Variants in LRMDA observed in about 807,000 individuals in gnomAD.
LRMDA encodes the protein leucine rich melanocyte differentiation associated, also known as leucine-rich melanocyte differentiation-associated protein.
LRMDA carries 18 observed loss-of-function variants against 29.8 expected under a neutral mutation model. The ratio of observed to expected loss-of-function variants is 0.60; its 90% CI spans 0.42 to 0.90. LRMDA has a LOEUF of 0.90. Ranked by LOEUF, LRMDA falls within the 40% of genes least tolerant of loss-of-function variation. The probability of loss-of-function intolerance (pLI) is 0.00; values close to 1 mark genes in which losing one functional copy is unlikely to be tolerated. For synonymous variants in LRMDA, 125 were observed against 109.4 expected (o/e 1.14, Z -0.89); for missense variants, 273 against 273.9 (o/e 1.00, Z 0.02).
At chr10:75,696,304 A>G (rs964536098) in intron 2 of LRMDA, among the ~76,000 whole-genome samples, 1 of 152,232 alleles carries the variant, frequency 6.6e-6, no homozygotes, top group Non-Finnish European at 1.5e-5. Context: ...GGGGCTAAAG[A>G]TGGCGGAGCA....
chr10:76,337,122 G>C (rs571588788), intron 6 of LRMDA, among the ~76,000 whole-genome samples: 1 of 152,226 alleles, frequency 6.6e-6, no homozygotes, highest in East Asian at 1.9e-4. Flanking sequence ...ATATTCCATA[G>C]CCTCCATTTC....
At chr10:75,596,616 G>A (rs955276808) in intron 2 of LRMDA, among the ~76,000 whole-genome samples, 7 of 151,964 alleles carry the variant, frequency 4.6e-5, no homozygotes, top group Non-Finnish European at 1.0e-4. Flanking sequence ...TAGCACATAT[G>A]TCTAGTGATC....
intron 2 of LRMDA, among the ~76,000 whole-genome samples, chr10:76,011,696 G>A (rs1847784409): frequency 1.3e-5 from 2 of 152,216 alleles, no homozygotes; most frequent in South Asian, 4.1e-4. Context: ...GATTCTGTGT[G>A]ATTGAGATTT....
chr10:76,538,551 T>TAC (rs1170502896), intron 6 of LRMDA, among the ~76,000 whole-genome samples: 1 of 140,516 alleles, frequency 7.1e-6, no homozygotes, highest in African/African-American at 2.8e-5. Flanking sequence ...TATGTATATA[T>TAC]ATATACACAC....
intron 6 of LRMDA, among the ~76,000 whole-genome samples, chr10:76,468,257 T>C (rs1427250224): frequency 6.6e-6 from 1 of 152,234 alleles, no homozygotes; most frequent in Non-Finnish European, 1.5e-5. Context: ...TCCCTTAAAT[T>C]AGCTTCTTAG....
chr10:75,592,489 G>T (rs755592581), intron 2 of LRMDA, among the ~76,000 whole-genome samples: 1 of 152,196 alleles, frequency 6.6e-6, no homozygotes. Context: ...GATCTGGGAC[G>T]GCAAGGCTAT....
chr10:76,095,908 G>A (rs1056780591), intron 5 of LRMDA, among the ~76,000 whole-genome samples: 3 of 150,808 alleles, frequency 2.0e-5, no homozygotes, highest in African/African-American at 7.3e-5. Flanking sequence ...TCGTGCCACT[G>A]CACTCCAGCC....
At chr10:76,294,641 A>G (rs931798600) in intron 5 of LRMDA, among the ~76,000 whole-genome samples, 2 of 152,240 alleles carry the variant, frequency 1.3e-5, no homozygotes, top group Non-Finnish European at 2.9e-5. Context: ...TCATGGTTCC[A>G]AGTGGTCCCA....
At chr10:75,853,475 C>T (rs149038616) in intron 2 of LRMDA, among the ~76,000 whole-genome samples, 1,702 of 146,586 alleles carry the variant, frequency 0.012, 55 homozygotes, top group Non-Finnish European at 9.0e-3. Flanking sequence ...TGGTCACATG[C>T]ACACACAGTC....
At chr10:76,354,366 G>C (rs1841214053) in intron 6 of LRMDA, among the ~76,000 whole-genome samples, 1 of 152,114 alleles carries the variant, frequency 6.6e-6, no homozygotes, top group Non-Finnish European at 1.5e-5. Context: ...AGATCCCTTG[G>C]GAGTTTTCCC....
intron 2 of LRMDA, among the ~76,000 whole-genome samples, chr10:75,868,130 T>G (rs1845050425): frequency 6.6e-6 from 1 of 152,230 alleles, no homozygotes; most frequent in South Asian, 2.1e-4. Context: ...TCTGTCTTGT[T>G]ATTTTCCTTT....
Position 75,920,358 on chromosome 10 carries a change from C to T in LRMDA, c.132-115650C>T, listed in dbSNP as rs114791790. ...TTTTTCTCTATGAGCACTTCATAAG[C>T]ATCCTTCGGTGATCATGACTTAGAA... On this transcript the variant is annotated intron_variant, in intron 2 of 6. Coordinates refer to ENST00000611255, the MANE Select transcript of LRMDA (RefSeq NM_001305581.2). Among the ~76,000 whole-genome samples the T allele has an allele frequency of 4.1e-3, 626 of 152,256 alleles. 3 individuals are homozygous for T. The highest frequency in any genetic ancestry group is 0.015 in the African/African-American group (603 of 41,534).
At chr10:75,510,914 C>G (rs561724091) in intron 2 of LRMDA, among the ~76,000 whole-genome samples, 4 of 152,282 alleles carry the variant, frequency 2.6e-5, no homozygotes, top group African/African-American at 9.6e-5. Flanking sequence ...TTGTACCTGC[C>G]CATTCCATAG....
intron 2 of LRMDA, among the ~76,000 whole-genome samples, chr10:75,649,675 G>A (rs1165903522): frequency 6.6e-6 from 1 of 152,202 alleles, no homozygotes; most frequent in Non-Finnish European, 1.5e-5. Flanking sequence ...ATACCCAGAA[G>A]AGGAATTGCT....
chr10:75,978,358 C>T (rs9416107), intron 2 of LRMDA, among the ~76,000 whole-genome samples: 32,573 of 152,102 alleles, frequency 0.21, 4,052 homozygotes, highest in South Asian at 0.41. Context: ...GCAGCTTGTG[C>T]TCTTGTCATT....
intron 2 of LRMDA, among the ~76,000 whole-genome samples, chr10:75,656,611 C>T (rs917512476): frequency 6.6e-6 from 1 of 152,120 alleles, no homozygotes; most frequent in African/African-American, 2.4e-5. Context: ...TTCCTGTCCT[C>T]CAGGACTGGC....
At chr10:76,478,639 A>G (rs1294666239) in intron 6 of LRMDA, among the ~76,000 whole-genome samples, 1 of 152,172 alleles carries the variant, frequency 6.6e-6, no homozygotes, top group Non-Finnish European at 1.5e-5. Flanking sequence ...AAAGACTTGG[A>G]AGCAACCCAA....
chr10:75,955,716 G>T (rs769378948), intron 2 of LRMDA, among the ~76,000 whole-genome samples: 7 of 152,110 alleles, frequency 4.6e-5, no homozygotes, highest in Non-Finnish European at 8.8e-5. Flanking sequence ...TGTCTCCCTT[G>T]TTGCATTTCT....
intron 2 of LRMDA, among the ~76,000 whole-genome samples, chr10:75,567,955 GC>G (rs1202047418): frequency 6.6e-6 from 1 of 152,196 alleles, no homozygotes; most frequent in Non-Finnish European, 1.5e-5. Context: ...TGTTTAAGAA[GC>G]CCATGAAATT....
Sources: allele counts gnomAD v4.1 joint callset (sites outside exome capture counted in the v4.1 genomes callset), GRCh38; gene constraint gnomAD v4.1.1; transcripts MANE v1.5; gene names NCBI Gene and HGNC (gene_info 2026-07-23, HGNC 2026-07-21).